Variants in CCDC47 observed in about 807,000 individuals in gnomAD.
CCDC47 encodes PAT complex subunit CCDC47.
A neutral mutation model predicts 60.5 loss-of-function variants in CCDC47; 41 were observed. The observed-to-expected ratio is 0.68, with a 90% CI of 0.53 to 0.88. The LOEUF (loss-of-function observed/expected upper bound fraction) is 0.88, where lower values mean the gene tolerates loss of function less well. CCDC47 is among the 40% of genes least tolerant of loss of function. CCDC47 has a pLI of 0.00. For missense variants in CCDC47, 513 were observed against 580.9 expected (o/e 0.88, Z 1.20); for synonymous variants, 195 against 190.7 (o/e 1.02, Z -0.18).
chr17:63,770,966 TGACAGA>T (rs1302332104), intron 1 of CCDC47, among the ~76,000 whole-genome samples: 1 of 123,642 alleles, frequency 8.1e-6, no homozygotes, highest in Non-Finnish European at 1.6e-5. Flanking sequence ...CCAGCCTGGG[TGACAGA>T]GCGAGACTGT....
chr17:63,769,102 T>A lies in CCDC47; in HGVS notation c.-19-2908A>T, dbSNP rs922008970. On this transcript the variant is annotated intron_variant, in intron 1 of 12. Coordinates refer to ENST00000225726, the MANE Select transcript of CCDC47 (RefSeq NM_020198.3). ...CTGTCTCAAAAAAAAAAAAAAAAAA[T>A]TAGCCAAGTCTGGTGGTGTGCACCT... 7.9e-4 allele frequency among the ~76,000 whole-genome samples: 116 copies of A among 146,802 alleles called. 2 individuals are homozygous for A. Among genetic ancestry groups the A allele is most frequent in the African/African-American group, 2.8e-3 (113 of 40,024 alleles).
At chr17:63,761,160 G>C in intron 5 of CCDC47, 70 bp downstream of exon 5, 1 of 1,576,062 alleles carries the variant, frequency 6.3e-7, no homozygotes, top group Admixed American at 1.7e-5. Flanking sequence ...ATGCTGAATT[G>C]GGGGGCTGGG....
At chr17:63,749,777 T>C (rs2039148889) in intron 12 of CCDC47, among the ~76,000 whole-genome samples, 1 of 151,210 alleles carries the variant, frequency 6.6e-6, no homozygotes, top group African/African-American at 2.4e-5. Flanking sequence ...TAACTAGTTT[T>C]TGAAAAGATG....
chr17:63,755,164 A>G, intron 8 of CCDC47: 1 of 296,024 alleles, frequency 3.4e-6, no homozygotes, highest in African/African-American at 2.3e-5. Flanking sequence ...ACAGGGTCTC[A>G]CTATGTTGCC....
chr17:63,750,475 G>A (rs542763143), intron 12 of CCDC47, among the ~76,000 whole-genome samples: 160 of 152,220 alleles, frequency 1.1e-3, no homozygotes, highest in Non-Finnish European at 1.8e-3. Context: ...ATGCAGGCCC[G>A]CACAGCAGCT....
intron 6 of CCDC47, among the ~76,000 whole-genome samples, chr17:63,760,663 A>T (rs1452418918): frequency 6.6e-6 from 1 of 152,020 alleles, no homozygotes; most frequent in Non-Finnish European, 1.5e-5. Context: ...ACATGGTGAA[A>T]CCCTGACTCT....
At chr17:63,766,294 TA>T (rs2039298011) in intron 1 of CCDC47, 100 bp from the exon 2 acceptor site, 1 of 1,100,488 alleles carries the variant, frequency 9.1e-7, no homozygotes, top group African/African-American at 1.6e-5. Flanking sequence ...GCTTTTCTCT[TA>T]TTTGGTACTA....
At chr17:63,765,792 T>C (rs1354570188) in intron 2 of CCDC47, 120 bp downstream of exon 2, 2 of 1,349,742 alleles carry the variant, frequency 1.5e-6, no homozygotes, top group Admixed American at 2.3e-5. Context: ...GAGCTCTACC[T>C]AGTGAATGAA....
chr17:63,752,851 A>G (rs748742063), intron 9 of CCDC47, 52 bp from the exon 10 acceptor site: 81 of 1,590,866 alleles, frequency 5.1e-5, no homozygotes, highest in African/African-American at 1.4e-5. Context: ...GATGTTTTCC[A>G]TGTACACAAG....
chr17:63,752,841 G>T, intron 9 of CCDC47, 42 bp from the exon 10 acceptor site: 1 of 1,595,372 alleles, frequency 6.3e-7, no homozygotes, highest in Non-Finnish European at 8.5e-7. Flanking sequence ...ATACAAGAAA[G>T]ATGTTTTCCA....
chr17:63,756,314 T>C lies in CCDC47; in HGVS notation c.874A>G (p.Lys292Glu). 6.2e-7 allele frequency: 1 copy of C among 1,614,174 alleles called. No individual in the cohort carries two copies. Among genetic ancestry groups the C allele is most frequent in the Non-Finnish European group, 8.5e-7 (1 of 1,180,014 alleles). Residue 292 changes from lysine (K) to glutamate (E), a missense_variant, in exon 8 of 13, where the codon AAG (lysine) becomes GAG (glutamate). Lys to Glu is a moderately conservative substitution (Grantham distance 56). Coordinates refer to ENST00000225726, the MANE Select transcript of CCDC47 (RefSeq NM_020198.3). ...FCSDKPKSGA[K>E]YGLPDSLAIL... Reference sequence around the variant, plus strand: ...GCCAAAGAGTCCGGCAGTCCATACTTTGCTCCAGACTTAGGTTTATCACTA... The same window carrying C: ...GCCAAAGAGTCCGGCAGTCCATACTCTGCTCCAGACTTAGGTTTATCACTA...
At chr17:63,766,838 G>A (rs2039301531) in intron 1 of CCDC47, 1 of 979,576 alleles carries the variant, frequency 1.0e-6, no homozygotes, top group South Asian at 4.7e-5. Context: ...AAAATGAGAA[G>A]GAGGTAAAAA....
chr17:63,756,742 CAGA>C (rs2039210519), intron 6 of CCDC47, among the ~76,000 whole-genome samples, 172 bp from the exon 7 acceptor site: 1 of 152,110 alleles, frequency 6.6e-6, no homozygotes, highest in African/African-American at 2.4e-5. Flanking sequence ...TGTTTTATGG[CAGA>C]AGGTCCCTAA....
At chr17:63,754,616 C>A (rs1447092467) in intron 8 of CCDC47, 98 bp from the exon 9 acceptor site, 1 of 701,766 alleles carries the variant, frequency 1.4e-6, no homozygotes, top group Non-Finnish European at 2.4e-6. Context: ...CAACGGCTCA[C>A]ACCAGTAATC....
At chr17:63,767,624 G>A (rs1219539342) in intron 1 of CCDC47, among the ~76,000 whole-genome samples, 2 of 151,754 alleles carry the variant, frequency 1.3e-5, no homozygotes, top group African/African-American at 4.8e-5. Flanking sequence ...CTGTTTTGAC[G>A]CCCTACAAAC....
intron 1 of CCDC47, among the ~76,000 whole-genome samples, chr17:63,770,756 C>G (rs1312164798): frequency 6.6e-6 from 1 of 151,772 alleles, no homozygotes; most frequent in Admixed American, 6.6e-5. Context: ...GAGGCCAATA[C>G]GGGCAGATCA....
intron 12 of CCDC47, among the ~76,000 whole-genome samples, chr17:63,750,120 C>A (rs966642773): frequency 6.6e-6 from 1 of 152,084 alleles, no homozygotes; most frequent in Non-Finnish European, 1.5e-5. Context: ...TGATTTACAT[C>A]GACAAGAAGC....
chr17:63,746,721 AAAACCCC>A lies in CCDC47; in HGVS notation c.*153_*159del. On this transcript the variant is annotated 3_prime_UTR_variant, in exon 13 of 13. Transcript: ENST00000225726. ...CTTTCCAGGTATCTTCAATCTCTGT[AAAACCCC>A]AAACCCCAAACAGAGTAGATGATGA... The A allele has an allele frequency of 1.8e-6, 1 of 552,326 alleles. No individual in the cohort carries two copies. The highest frequency in any genetic ancestry group is 3.2e-6 in the Non-Finnish European group (1 of 311,406). 34.2% of individuals were successfully genotyped at this position (552,326 alleles called of 1,614,324 possible).
chr17:63,765,105 T>C (rs1321187834), intron 2 of CCDC47: 1 of 222,508 alleles, frequency 4.5e-6, no homozygotes. Flanking sequence ...AGAGAATATA[T>C]TGTAAGTATT....
Sources: gnomAD v4.1 joint callset for allele counts (sites outside exome capture counted in the v4.1 genomes callset) on GRCh38, gnomAD v4.1.1 for gene constraint, MANE v1.5 for transcripts, NCBI Gene and HGNC (gene_info 2026-07-23, HGNC 2026-07-21) for gene names.